FOXN3: variants seen among roughly 807,000 people sequenced by gnomAD.
The protein encoded by FOXN3 is forkhead box protein N3.
A neutral mutation model predicts 38.4 loss-of-function variants in FOXN3; 7 were observed. That is an observed-to-expected ratio of 0.18 (90% confidence interval 0.10 to 0.34). FOXN3 has a LOEUF of 0.34. Ranked by LOEUF, FOXN3 falls within the 10% of genes least tolerant of loss-of-function variation. The pLI is 1.00. For missense variants in FOXN3, 456 were observed against 613.4 expected, an observed-to-expected ratio of 0.74 and a Z score of 2.71; for synonymous variants, 230 against 242.2, an observed-to-expected ratio of 0.95 and a Z score of 0.47.
At chr14:89,467,695 C>G (rs114274600) in intron 1 of FOXN3, among the ~76,000 whole-genome samples, 1 of 151,044 alleles carries the variant, frequency 6.6e-6, no homozygotes, top group Admixed American at 6.6e-5. Flanking sequence ...GCTCAAGCTC[C>G]AGCAGTCCTC....
chr14:89,233,719 T>G (rs1015559583), intron 4 of FOXN3, among the ~76,000 whole-genome samples: 10 of 152,218 alleles, frequency 6.6e-5, no homozygotes. Context: ...GTGATCTGGA[T>G]GTGAGATTCA....
At chr14:89,557,479 G>A (rs1291943837) in intron 1 of FOXN3, among the ~76,000 whole-genome samples, 1 of 152,160 alleles carries the variant, frequency 6.6e-6, no homozygotes, top group Non-Finnish European at 1.5e-5. Flanking sequence ...AGCTCTTGCA[G>A]ACACCTACCA....
intron 3 of FOXN3, among the ~76,000 whole-genome samples, chr14:89,347,493 C>T (rs1423541786): frequency 1.3e-5 from 2 of 152,214 alleles, no homozygotes; most frequent in African/African-American, 2.4e-5. Context: ...TCTCGGACTT[C>T]CAGCCTCCAG....
At chr14:89,341,672 T>C (rs966621311) in intron 3 of FOXN3, among the ~76,000 whole-genome samples, 3 of 152,226 alleles carry the variant, frequency 2.0e-5, no homozygotes, top group East Asian at 1.9e-4. Flanking sequence ...TTTTCTATTA[T>C]TGATGAAAAA....
intron 2 of FOXN3, among the ~76,000 whole-genome samples, chr14:89,405,950 G>C (rs1891377545): frequency 6.6e-6 from 1 of 152,106 alleles, no homozygotes; most frequent in Admixed American, 6.5e-5. Flanking sequence ...AGGATTACTT[G>C]AGGACAGGAG....
At chr14:89,509,069 C>G (rs1321261870) in intron 1 of FOXN3, among the ~76,000 whole-genome samples, 1 of 152,120 alleles carries the variant, frequency 6.6e-6, no homozygotes, top group African/African-American at 2.4e-5. Flanking sequence ...GAGCTCATCT[C>G]CTACTTCCCT....
intron 3 of FOXN3, among the ~76,000 whole-genome samples, chr14:89,314,822 T>C (rs532677509): frequency 1.3e-5 from 2 of 152,270 alleles, no homozygotes; most frequent in East Asian, 3.9e-4. Flanking sequence ...GATGTTGATG[T>C]TAGCTAACCG....
chr14:89,618,623 A>C (rs1469119399), intron 1 of FOXN3, among the ~76,000 whole-genome samples: 1 of 152,236 alleles, frequency 6.6e-6, no homozygotes, highest in Non-Finnish European at 1.5e-5. Flanking sequence ...CTTGAAAATA[A>C]AAGTAACGCC....
At chr14:89,408,786 C>G (rs1891456787) in intron 2 of FOXN3, among the ~76,000 whole-genome samples, 1 of 152,030 alleles carries the variant, frequency 6.6e-6, no homozygotes. Context: ...TTTCAATGTT[C>G]TCGTTCAATT....
intron 2 of FOXN3, among the ~76,000 whole-genome samples, chr14:89,366,507 A>T (rs1042514130): frequency 2.0e-5 from 3 of 152,042 alleles, no homozygotes; most frequent in African/African-American, 7.2e-5. Flanking sequence ...TGCCTTTTTT[A>T]AAAAAAAGTT....
intron 1 of FOXN3, among the ~76,000 whole-genome samples, chr14:89,614,336 T>C (rs960125387): frequency 6.6e-6 from 1 of 152,190 alleles, no homozygotes; most frequent in Non-Finnish European, 1.5e-5. Context: ...GATGTTCCTA[T>C]AATTTATAAA....
At position 89,390,604 on chromosome 14, in the gene FOXN3, T is replaced by C. The variant is rs997917399; in HGVS notation, c.543+21330A>G. 5.9e-5 allele frequency among the ~76,000 whole-genome samples: 9 copies of C among 151,914 alleles called. No homozygotes were observed. The South Asian group carries it at 8.3e-4, about 14-fold the overall frequency. ...CTACTACAAAATTCTTATTATTGAATGTGCCTTTATTCTAGGGGGGAAAGC... is the reference window on the plus strand; with the variant it reads ...CTACTACAAAATTCTTATTATTGAACGTGCCTTTATTCTAGGGGGGAAAGC... On this transcript the variant is annotated intron_variant, in intron 2 of 5. Coordinates refer to ENST00000557258, the MANE Select transcript of FOXN3 (RefSeq NM_005197.4).
intron 3 of FOXN3, among the ~76,000 whole-genome samples, chr14:89,325,317 C>CACG (rs2098706210): frequency 1.5e-5 from 1 of 66,332 alleles, no homozygotes; most frequent in Admixed American, 1.3e-4. Flanking sequence ...CCACCACGAC[C>CACG]ACCACCACCA....
At chr14:89,533,146 T>A (rs1019975341) in intron 1 of FOXN3, among the ~76,000 whole-genome samples, 1 of 152,232 alleles carries the variant, frequency 6.6e-6, no homozygotes, top group South Asian at 2.1e-4. Flanking sequence ...TGGGGCCACA[T>A]AAACTCAAAG....
chr14:89,427,057 C>A (rs1384473662), intron 1 of FOXN3, among the ~76,000 whole-genome samples: 1 of 151,250 alleles, frequency 6.6e-6, no homozygotes, highest in East Asian at 2.0e-4. Context: ...CATGGTGAAA[C>A]TCTGTTACTA....
At chr14:89,217,422 G>A (rs1884320049) in intron 4 of FOXN3, among the ~76,000 whole-genome samples, 1 of 152,172 alleles carries the variant, frequency 6.6e-6, no homozygotes, top group Non-Finnish European at 1.5e-5. Context: ...TTACAGGCAT[G>A]AGCCACCACG....
chr14:89,285,450 C>T (rs373795359), intron 3 of FOXN3, among the ~76,000 whole-genome samples: 4 of 150,674 alleles, frequency 2.7e-5, no homozygotes, highest in East Asian at 3.9e-4. Flanking sequence ...ACCCAGGAGG[C>T]GGAGGTTGCA....
intron 3 of FOXN3, among the ~76,000 whole-genome samples, chr14:89,303,506 A>AC (rs886797130): frequency 8.4e-6 from 1 of 118,630 alleles, no homozygotes; most frequent in Non-Finnish European, 2.0e-5. Flanking sequence ...TAAAAAAAAA[A>AC]AACAAAAAAA....
intron 1 of FOXN3, among the ~76,000 whole-genome samples, chr14:89,500,666 G>A (rs997343385): frequency 2.6e-5 from 4 of 152,138 alleles, no homozygotes; most frequent in African/African-American, 9.7e-5. Flanking sequence ...TTACCCTCTG[G>A]GCCACTCATC....
Sources: gnomAD v4.1 joint callset for allele counts (sites outside exome capture counted in the v4.1 genomes callset) on GRCh38, gnomAD v4.1.1 for gene constraint, MANE v1.5 for transcripts, NCBI Gene and HGNC (gene_info 2026-07-23, HGNC 2026-07-21) for gene names.